The following SH3BGR variants were observed in gnomAD, a reference collection of about 807,000 sequenced individuals.
The protein encoded by SH3BGR is SH3 domain binding glutamate rich protein.
A neutral mutation model predicts 24.5 loss-of-function variants in SH3BGR; 29 were observed. That is an observed-to-expected ratio of 1.18 (90% CI 0.88 to 1.61). The LOEUF (loss-of-function observed/expected upper bound fraction) is 1.61. SH3BGR is among the 40% of genes most tolerant of loss of function. The pLI, the probability that SH3BGR is intolerant of heterozygous loss-of-function variation, is 0.00. For synonymous variants in SH3BGR, 55 were observed against 65.7 expected, an observed-to-expected ratio of 0.84 and a Z score of 0.79; for missense variants, 162 against 205.8, an observed-to-expected ratio of 0.79 and a Z score of 1.30.
intron 3 of SH3BGR, among the ~76,000 whole-genome samples, chr21:39,480,753 A>G (rs146430409): frequency 1.3e-5 from 2 of 152,350 alleles, no homozygotes; most frequent in Non-Finnish European, 2.9e-5. Context: ...CAGATGCCTG[A>G]GTTTTACTCT....
At chr21:39,451,408 G>T (rs746946064), upstream of SH3BGR, among the ~76,000 whole-genome samples, 1 of 152,160 alleles carries the variant, frequency 6.6e-6, no homozygotes, top group Non-Finnish European at 1.5e-5. Context: ...CCCATGGCTG[G>T]TCAGTTTCTG....
intron 2 of SH3BGR, among the ~76,000 whole-genome samples, chr21:39,469,813 C>T (rs1461321784): frequency 6.6e-6 from 1 of 151,798 alleles, no homozygotes; most frequent in African/African-American, 2.4e-5. Flanking sequence ...CGCCACCACG[C>T]CCGGTTAATT....
intron 2 of SH3BGR, among the ~76,000 whole-genome samples, chr21:39,472,553 T>C (rs2123372349): frequency 6.6e-6 from 1 of 152,288 alleles, no homozygotes; most frequent in East Asian, 1.9e-4. Context: ...GTATCAAACC[T>C]AGACACATCT....
At chr21:39,498,508 T>A (rs16997735) in intron 3 of SH3BGR, among the ~76,000 whole-genome samples, 3,624 of 152,280 alleles carry the variant, frequency 0.024, 152 homozygotes, top group African/African-American at 0.083. Flanking sequence ...TTAGTGAAGA[T>A]TAAGGATGAA....
chr21:39,457,716 G>C (rs2148452663), intron 1 of SH3BGR, among the ~76,000 whole-genome samples: 1 of 151,850 alleles, frequency 6.6e-6, no homozygotes, highest in Non-Finnish European at 1.5e-5. Context: ...TGGATCACTT[G>C]AGCCCAGGAT....
At chr21:39,510,098 G>A (rs1157156040) in intron 5 of SH3BGR, among the ~76,000 whole-genome samples, 6 of 145,088 alleles carry the variant, frequency 4.1e-5, no homozygotes, top group Non-Finnish European at 7.5e-5. Flanking sequence ...GCCCGCCACC[G>A]CGCCCGGCTA....
intron 3 of SH3BGR, among the ~76,000 whole-genome samples, chr21:39,495,577 T>C (rs948364287): frequency 1.3e-5 from 2 of 151,822 alleles, no homozygotes; most frequent in South Asian, 2.1e-4. Context: ...ACTCCTGGGC[T>C]CAAGCAGTCC....
At chr21:39,488,540 C>A in intron 3 of SH3BGR, 1 of 365,484 alleles carries the variant, frequency 2.7e-6, no homozygotes. Context: ...ACTTCCTGCC[C>A]ATGCTGCAGA....
chr21:39,472,495 G>A (rs1219485260), intron 2 of SH3BGR, among the ~76,000 whole-genome samples: 1 of 152,182 alleles, frequency 6.6e-6, no homozygotes, highest in African/African-American at 2.4e-5. Flanking sequence ...CACAGCAGCG[G>A]ATACTGTTTG....
intron 3 of SH3BGR, among the ~76,000 whole-genome samples, chr21:39,493,684 G>A (rs887956225): frequency 6.6e-6 from 1 of 152,058 alleles, no homozygotes; most frequent in Non-Finnish European, 1.5e-5. Context: ...GAATTGCATT[G>A]AATTTGTAGA....
At chr21:39,504,564 A>C (rs1246359623) in intron 4 of SH3BGR, among the ~76,000 whole-genome samples, 1 of 152,180 alleles carries the variant, frequency 6.6e-6, no homozygotes, top group African/African-American at 2.4e-5. Flanking sequence ...AAGACTTCCC[A>C]CTTCTGAGGT....
intron 4 of SH3BGR, among the ~76,000 whole-genome samples, chr21:39,503,263 C>G (rs1410681495): frequency 1.3e-5 from 2 of 152,208 alleles, no homozygotes; most frequent in African/African-American, 4.8e-5. Context: ...ACTATAGACT[C>G]ACAGGAAGTT....
chr21:39,457,425 A>G (rs917757969), intron 1 of SH3BGR, among the ~76,000 whole-genome samples: 8 of 142,518 alleles, frequency 5.6e-5, no homozygotes, highest in South Asian at 2.1e-4. Context: ...AGATTATTAT[A>G]TATTATATAG....
intron 1 of SH3BGR, among the ~76,000 whole-genome samples, chr21:39,454,278 G>T (rs565988045): frequency 3.2e-4 from 48 of 152,164 alleles, no homozygotes; most frequent in African/African-American, 1.1e-3. Flanking sequence ...TCTTCAGCCT[G>T]TACATTTAAA....
intron 2 of SH3BGR, among the ~76,000 whole-genome samples, chr21:39,463,289 G>A (rs1002167617): frequency 2.6e-5 from 4 of 152,150 alleles, no homozygotes; most frequent in Admixed American, 6.5e-5. Context: ...GGGCATTTTG[G>A]TTATAACAAC....
chr21:39,495,705 A>G (rs1295557313), intron 3 of SH3BGR, among the ~76,000 whole-genome samples: 1 of 152,006 alleles, frequency 6.6e-6, no homozygotes, highest in Non-Finnish European at 1.5e-5. Flanking sequence ...CTAGTCTTGA[A>G]CCCTTGGCCT....
At chr21:39,464,769 C>T (rs2077813110) in intron 2 of SH3BGR, among the ~76,000 whole-genome samples, 1 of 152,184 alleles carries the variant, frequency 6.6e-6, no homozygotes, top group Non-Finnish European at 1.5e-5. Context: ...TCTTCCCCAC[C>T]TTCCTTTACC....
At chr21:39,454,495 C>A (rs1353740419) in intron 1 of SH3BGR, among the ~76,000 whole-genome samples, 1 of 152,148 alleles carries the variant, frequency 6.6e-6, no homozygotes, top group Non-Finnish European at 1.5e-5. Context: ...GGTTAAGAGA[C>A]CCTGGGGAGC....
chr21:39,509,923 C>T (rs1248453374), intron 5 of SH3BGR, among the ~76,000 whole-genome samples: 2 of 152,046 alleles, frequency 1.3e-5, no homozygotes, highest in African/African-American at 4.8e-5. Flanking sequence ...CAAAAGAAAT[C>T]CCCCCAAAGA....
Sources: gnomAD v4.1 joint callset for allele counts (sites outside exome capture counted in the v4.1 genomes callset) on GRCh38, gnomAD v4.1.1 for gene constraint, MANE v1.5 for transcripts, NCBI Gene and HGNC (gene_info 2026-07-23, HGNC 2026-07-21) for gene names.